The following ECSIT variants were observed in gnomAD, a reference collection of about 807,000 sequenced individuals.
ECSIT encodes the protein evolutionarily conserved signaling intermediate in Toll pathway, mitochondrial.
Under a neutral mutation model 36.8 loss-of-function variants are expected in ECSIT, and 29 were observed. The ratio of observed to expected loss-of-function variants is 0.79; its 90% CI spans 0.59 to 1.08. The LOEUF (loss-of-function observed/expected upper bound fraction) is 1.08. Ranked by LOEUF, ECSIT falls within the 50% of genes least tolerant of loss-of-function variation. The pLI, the probability that ECSIT is intolerant of heterozygous loss-of-function variation, is 0.00. For missense variants in ECSIT, 542 were observed against 581.0 expected (o/e 0.93, Z 0.69); for synonymous variants, 231 against 234.8 (o/e 0.98, Z 0.15).
intron 1 of ECSIT, chr19:11,523,680 C>CAAAAA: frequency 1.4e-6 from 1 of 730,528 alleles, no homozygotes; most frequent in South Asian, 1.4e-5. Flanking sequence ...TTGATGACAA[C>CAAAAA]AAGAAACTAG....
chr19:11,507,530 G>T lies in ECSIT; in HGVS notation c.978C>A (p.Leu326=). The change falls in exon 7 of 8, where the codon CTC becomes CTA. Residue 326 remains leucine, a synonymous_variant. Coordinates refer to ENST00000270517, the MANE Select transcript of ECSIT (RefSeq NM_016581.5). The part of the protein sequence containing the change: ...EVEETPEEWN[L]YYPMQLDLEY... The stretch of plus-strand genomic sequence containing the variant: ...CCAGGTCCAGCTGCATCGGGTAGTA[G>T]AGGTTCCACTCCTCCGGCGTCTCTT... The T allele has an allele frequency of 6.2e-7, 1 of 1,614,100 alleles. No individual in the cohort carries two copies. Among genetic ancestry groups the T allele is most frequent in the Non-Finnish European group, 8.5e-7 (1 of 1,180,016 alleles).
chr19:11,520,579 A>G (rs1972083311), intron 1 of ECSIT, among the ~76,000 whole-genome samples: 1 of 151,874 alleles, frequency 6.6e-6, no homozygotes, highest in Non-Finnish European at 1.5e-5. Flanking sequence ...CAGTGGCACA[A>G]TCTCAGCTCA....
At chr19:11,521,656 T>C (rs1246567057) in intron 1 of ECSIT, among the ~76,000 whole-genome samples, 2 of 151,562 alleles carry the variant, frequency 1.3e-5, no homozygotes, top group Non-Finnish European at 2.9e-5. Flanking sequence ...ACTCCTGCAG[T>C]CCCCAGCTAC....
At chr19:11,518,112 A>G (rs2144988679) in intron 2 of ECSIT, among the ~76,000 whole-genome samples, 1 of 151,594 alleles carries the variant, frequency 6.6e-6, no homozygotes, top group East Asian at 1.9e-4. Flanking sequence ...GCAACACAAC[A>G]AGACCATATA....
At chr19:11,517,854 T>C (rs114155672) in intron 2 of ECSIT, among the ~76,000 whole-genome samples, 2,279 of 152,216 alleles carry the variant, frequency 0.015, 53 homozygotes, top group African/African-American at 0.052. Flanking sequence ...CTGGTCACTA[T>C]GGGTATAGGA....
intron 4 of ECSIT, 152 bp downstream of exon 4, chr19:11,512,904 C>T (rs550277888): frequency 2.5e-6 from 2 of 787,800 alleles, no homozygotes; most frequent in Admixed American, 2.1e-5. Context: ...GATAGTGCCA[C>T]CACACTCCAG....
At chr19:11,518,534 A>T (rs1388376156) in intron 2 of ECSIT, among the ~76,000 whole-genome samples, 1 of 152,134 alleles carries the variant, frequency 6.6e-6, no homozygotes, top group Admixed American at 6.6e-5. Flanking sequence ...GGCTGCAGTG[A>T]GCCCTGATTC....
In ECSIT at chr19:11,506,172, C is replaced by T; in HGVS notation, c.*12G>A. 3 of 1,602,712 alleles carry T rather than the reference C, an allele frequency of 1.9e-6. No homozygotes were observed. The highest frequency in any genetic ancestry group is 2.2e-5 in the East Asian group (1 of 44,870). Reference sequence around the variant, plus strand: ...CCTCGGGCCACAGCCCGTGCCCTCGCGCCGGCTCAGACTAGCTCTGGCCCT... The same window carrying T: ...CCTCGGGCCACAGCCCGTGCCCTCGTGCCGGCTCAGACTAGCTCTGGCCCT... On this transcript the variant is annotated 3_prime_UTR_variant, in exon 8 of 8. Transcript: ENST00000270517.
chr19:11,522,737 A>T (rs1972131671), intron 1 of ECSIT, among the ~76,000 whole-genome samples: 1 of 151,136 alleles, frequency 6.6e-6, no homozygotes, highest in Non-Finnish European at 1.5e-5. Flanking sequence ...ATTAAATTTA[A>T]TTAAATAAAA....
Position 11,505,953 on chromosome 19 carries a change from C to T in ECSIT, c.*231G>A, listed in dbSNP as rs1568399515. The T allele has an allele frequency of 1.1e-5, 10 of 917,100 alleles. No homozygotes were observed. In the South Asian group the frequency reaches 1.6e-4, roughly 15 times the overall value. 56.8% of individuals were successfully genotyped at this position (917,100 alleles called of 1,614,324 possible). On this transcript the variant is annotated 3_prime_UTR_variant, in exon 8 of 8. Coordinates refer to ENST00000270517, the MANE Select transcript of ECSIT (RefSeq NM_016581.5). ...ATGCGCACAACCAACAGCGCTCCCG[C>T]CCCTTTTTATTTGAATTCGGAGAAC...
At chr19:11,523,615 T>C (rs941888794) in intron 1 of ECSIT, 3 of 910,386 alleles carry the variant, frequency 3.3e-6, no homozygotes, top group Non-Finnish European at 5.3e-6. Flanking sequence ...TAAGCCTATG[T>C]ATGTCAAGCT....
chr19:11,510,221 T>G (rs1971843168), intron 4 of ECSIT, among the ~76,000 whole-genome samples: 1 of 151,792 alleles, frequency 6.6e-6, no homozygotes, highest in South Asian at 2.1e-4. Context: ...TGTCACCCAG[T>G]CTGGTGTGCA....
intron 4 of ECSIT, among the ~76,000 whole-genome samples, chr19:11,509,427 G>T (rs1213255415): frequency 1.3e-5 from 2 of 151,286 alleles, no homozygotes; most frequent in East Asian, 3.9e-4. Context: ...CAAAACAGTG[G>T]ACAGCTATTA....
intron 1 of ECSIT, chr19:11,523,395 T>G: frequency 3.9e-6 from 2 of 517,408 alleles, no homozygotes; most frequent in South Asian, 8.1e-5. Flanking sequence ...GGCGGAGGCT[T>G]GGGTATGTTC....
chr19:11,512,770 GAA>G (rs200946247), intron 4 of ECSIT, among the ~76,000 whole-genome samples: 2 of 144,384 alleles, frequency 1.4e-5, no homozygotes, highest in Non-Finnish European at 3.1e-5. Flanking sequence ...CCCTGTCTCT[GAA>G]AAAAAAAAAC....
chr19:11,509,891 T>C (rs1971836047), intron 4 of ECSIT, among the ~76,000 whole-genome samples: 1 of 151,674 alleles, frequency 6.6e-6, no homozygotes. Flanking sequence ...TTTTTTGAGA[T>C]GGAGTTTCGC....
intron 1 of ECSIT, chr19:11,523,314 GTA>G (rs1272242802): frequency 1.2e-5 from 3 of 258,940 alleles, no homozygotes; most frequent in Non-Finnish European, 2.1e-5. Context: ...TAAGATTATA[GTA>G]TTATATATAT....
chr19:11,527,179 A>C (rs1227897272), intron 1 of ECSIT, among the ~76,000 whole-genome samples: 1 of 152,062 alleles, frequency 6.6e-6, no homozygotes, highest in Admixed American at 6.6e-5. Flanking sequence ...AAAATTAGCC[A>C]GGTGTGGTGG....
intron 1 of ECSIT, among the ~76,000 whole-genome samples, chr19:11,527,939 A>G (rs1204618775): frequency 2.6e-5 from 4 of 152,136 alleles, no homozygotes; most frequent in Non-Finnish European, 5.9e-5. Flanking sequence ...GGCTGCAGTG[A>G]GCTATGGAGT....
Sources: allele counts gnomAD v4.1 joint callset (sites outside exome capture counted in the v4.1 genomes callset), GRCh38; gene constraint gnomAD v4.1.1; transcripts MANE v1.5; gene names NCBI Gene and HGNC (gene_info 2026-07-23, HGNC 2026-07-21).